Variants in CDS2 observed in about 807,000 individuals in gnomAD.
CDS2 encodes the protein CDP-diacylglycerol synthase 2, also known as phosphatidate cytidylyltransferase 2.
CDS2 carries 47 observed loss-of-function variants against 59.0 expected under a neutral mutation model. That is an observed-to-expected ratio of 0.80 (90% CI 0.63 to 1.02). The LOEUF is 1.02. CDS2 is among the 50% of genes least tolerant of loss of function. The pLI is 0.00. For missense variants in CDS2, 356 were observed against 558.9 expected (o/e 0.64, Z 3.66); for synonymous variants, 207 against 206.4 (o/e 1.00, Z -0.02).
chr20:5,176,757 G>A lies in CDS2; in HGVS notation c.389+12G>A, dbSNP rs558881635. On this transcript the variant is annotated intron_variant, in intron 4 of 12. Transcript: ENST00000460006. ...AGGACGCTCAGCTGGTAAGCTCTCC[G>A]GCCCCACAGAGGCTTTTAGAATTTG... is the stretch of plus-strand genomic sequence containing the variant. 2.3e-5 allele frequency: 36 copies of A among 1,593,278 alleles called. 1 individual carries two copies. Among genetic ancestry groups the A allele is most frequent in the Middle Eastern group, 1.7e-4 (1 of 6,022 alleles).
chr20:5,171,020 C>T (rs959864412), intron 1 of CDS2, among the ~76,000 whole-genome samples: 1 of 152,204 alleles, frequency 6.6e-6, no homozygotes, highest in Non-Finnish European at 1.5e-5. Context: ...GCTCAGTCCG[C>T]CTGAGGTCTT....
chr20:5,170,861 A>G (rs531308177), intron 1 of CDS2, among the ~76,000 whole-genome samples: 15 of 152,242 alleles, frequency 9.9e-5, no homozygotes, highest in Non-Finnish European at 1.9e-4. Context: ...TAGACGCAGT[A>G]AAAAATGACA....
In CDS2 at chr20:5,194,785, A is replaced by G. The variant is rs917411934; in HGVS notation, c.*4551A>G. On this transcript the variant is annotated 3_prime_UTR_variant, in exon 13 of 13. Coordinates refer to ENST00000460006, the MANE Select transcript of CDS2 (RefSeq NM_003818.4). ...ACCCTCCCCTTCCTTTTCCCATCAAATGCCTACCTACTGAGGCGCCTTCTC... is the reference window on the plus strand; with the variant it reads ...ACCCTCCCCTTCCTTTTCCCATCAAGTGCCTACCTACTGAGGCGCCTTCTC... 2.0e-5 allele frequency: 3 copies of G among 152,058 alleles called. No individual in the cohort carries two copies. Among genetic ancestry groups the G allele is most frequent in the African/African-American group, 7.2e-5 (3 of 41,398 alleles). 9.4% of individuals were successfully genotyped at this position (152,058 alleles called of 1,614,324 possible).
At chr20:5,150,619 G>A (rs751613532) in intron 1 of CDS2, among the ~76,000 whole-genome samples, 4 of 152,228 alleles carry the variant, frequency 2.6e-5, no homozygotes, top group Non-Finnish European at 5.9e-5. Context: ...CAGGCCGAAA[G>A]CAAGGGCACC....
chr20:5,173,090 G>A (rs1285971261), intron 1 of CDS2, among the ~76,000 whole-genome samples: 1 of 152,242 alleles, frequency 6.6e-6, no homozygotes, highest in Non-Finnish European at 1.5e-5. Context: ...GGGACATGTT[G>A]ACATTAACAG....
At chr20:5,176,394 A>G (rs2090995372) in intron 3 of CDS2, 1 of 406,578 alleles carries the variant, frequency 2.5e-6, no homozygotes. Flanking sequence ...CTGTCTTAAA[A>G]AAAAAAAAGT....
At chr20:5,166,142 G>A (rs1201679466) in intron 1 of CDS2, among the ~76,000 whole-genome samples, 1 of 152,126 alleles carries the variant, frequency 6.6e-6, no homozygotes, top group Non-Finnish European at 1.5e-5. Flanking sequence ...TAGCCAGTTA[G>A]GCTGTTGCAG....
intron 1 of CDS2, among the ~76,000 whole-genome samples, chr20:5,137,944 A>T (rs1017170413): frequency 2.6e-5 from 4 of 150,998 alleles, no homozygotes; most frequent in Non-Finnish European, 5.9e-5. Flanking sequence ...GACTACAGGC[A>T]CCCGCCACCA....
chr20:5,166,111 G>T (rs2090911846), intron 1 of CDS2, among the ~76,000 whole-genome samples: 1 of 152,140 alleles, frequency 6.6e-6, no homozygotes, highest in Non-Finnish European at 1.5e-5. Flanking sequence ...GGTGGGAGTG[G>T]ACTCTAGGCT....
rs11475285 is a variant in CDS2 at position 5,138,116 on chromosome 20, A to AT, written c.57+10983dup. Among the ~76,000 whole-genome samples, 630 of 143,306 alleles carry AT rather than the reference A, an allele frequency of 4.4e-3. 4 individuals carry two copies. Among genetic ancestry groups the AT allele is most frequent in the African/African-American group, 0.011 (422 of 38,874 alleles). 94.0% of individuals were successfully genotyped at this position (143,306 alleles called of 152,430 possible). A position where few individuals can be genotyped will look rare whatever the true frequency, so the allele number is the denominator to read the frequency against. ...CTGGCCACATTTATCATTTCTTTAA[A>AT]TTTTTTTTTTTTTTTTGTAGAAACA... On this transcript the variant is annotated intron_variant, in intron 1 of 12. Coordinates refer to ENST00000460006, the MANE Select transcript of CDS2 (RefSeq NM_003818.4).
intron 1 of CDS2, among the ~76,000 whole-genome samples, chr20:5,134,897 T>C (rs2090636320): frequency 2.0e-5 from 3 of 152,150 alleles, no homozygotes; most frequent in African/African-American, 7.2e-5. Flanking sequence ...ACATAATACT[T>C]GATAAAATCA....
Position 5,190,337 on chromosome 20 carries a change from C to T in CDS2, c.*103C>T. The T allele has an allele frequency of 1.0e-6, 1 of 973,408 alleles. No individual in the cohort carries two copies. Among genetic ancestry groups the T allele is most frequent in the Non-Finnish European group, 1.4e-6 (1 of 695,450 alleles). The allele number at this position is 973,408 out of a possible 1,614,324, so 60.3% of individuals were successfully genotyped here. ...TAGACAATGACGAGGCTTCAACTCA[C>T]TGTCTTTTTTTTTTTTTTTTGGAGG... On this transcript the variant is annotated 3_prime_UTR_variant, in exon 13 of 13. Coordinates refer to ENST00000460006, the MANE Select transcript of CDS2 (RefSeq NM_003818.4).
In CDS2 at chr20:5,179,065, G is replaced by A; in HGVS notation, c.529+109G>A. ...AGTATACAGTTTTGTGACATTAACT[G>A]TGACCATGCAGGGGAGCAGAGCTGA... On this transcript the variant is annotated intron_variant, in intron 5 of 12. Coordinates refer to ENST00000460006, the MANE Select transcript of CDS2 (RefSeq NM_003818.4). 3.0e-6 allele frequency: 3 copies of A among 995,586 alleles called. No homozygotes were observed. In the South Asian group the frequency reaches 4.2e-5, roughly 14 times the overall value. The allele number at this position is 995,586 out of a possible 1,614,324, so 61.7% of individuals were successfully genotyped here. A position where few individuals can be genotyped will look rare whatever the true frequency, so the allele number is the denominator to read the frequency against.
At chr20:5,183,968 C>T (rs1253999311) in intron 7 of CDS2, among the ~76,000 whole-genome samples, 1 of 152,110 alleles carries the variant, frequency 6.6e-6, no homozygotes, top group Non-Finnish European at 1.5e-5. Flanking sequence ...CCGGCCTGGG[C>T]AACATAGTGA....
At chr20:5,138,166 G>A (rs2090663896) in intron 1 of CDS2, among the ~76,000 whole-genome samples, 1 of 149,934 alleles carries the variant, frequency 6.7e-6, no homozygotes, top group Non-Finnish European at 1.5e-5. Context: ...TGCTCAGGCT[G>A]GTCTCGAACT....
intron 1 of CDS2, among the ~76,000 whole-genome samples, chr20:5,170,194 C>G (rs1178099558): frequency 1.3e-5 from 2 of 152,168 alleles, no homozygotes; most frequent in Non-Finnish European, 2.9e-5. Context: ...CTTTCCTGGA[C>G]TGGCCACTGC....
chr20:5,142,793 A>G (rs901698543), intron 1 of CDS2, among the ~76,000 whole-genome samples: 1 of 152,242 alleles, frequency 6.6e-6, no homozygotes, highest in East Asian at 1.9e-4. Context: ...TCTAGAATCT[A>G]TAAATAATTA....
intron 1 of CDS2, among the ~76,000 whole-genome samples, chr20:5,158,419 G>T (rs1448673671): frequency 6.6e-6 from 1 of 152,098 alleles, no homozygotes; most frequent in African/African-American, 2.4e-5. Flanking sequence ...TGATCTACCT[G>T]CCTTGGCCTC....
chr20:5,134,941 T>TAAA (rs1600466465), intron 1 of CDS2, among the ~76,000 whole-genome samples: 2 of 152,228 alleles, frequency 1.3e-5, no homozygotes, highest in African/African-American at 4.8e-5. Flanking sequence ...GAAGATTGTA[T>TAAA]AAAACCTGCA....
Sources: gnomAD v4.1 joint callset for allele counts (sites outside exome capture counted in the v4.1 genomes callset) on GRCh38, gnomAD v4.1.1 for gene constraint, MANE v1.5 for transcripts, NCBI Gene and HGNC (gene_info 2026-07-23, HGNC 2026-07-21) for gene names.